Variants in C10orf67 observed in about 807,000 individuals in gnomAD.
C10orf67 encodes uncharacterized protein C10orf67, mitochondrial.
C10orf67 carries 60 observed loss-of-function variants against 35.6 expected under a neutral mutation model. That is an observed-to-expected ratio of 1.68 (90% CI 1.37 to 2.09). The LOEUF (loss-of-function observed/expected upper bound fraction) is 2.09, where lower values mean the gene tolerates loss of function less well. C10orf67 is among the 30% of genes most tolerant of loss of function. The pLI is 0.00. For synonymous variants in C10orf67, 167 were observed against 115.8 expected (o/e 1.44, Z -2.84); for missense variants, 474 against 330.2 (o/e 1.44, Z -3.38).
Position 23,235,726 on chromosome 10 carries a change from C to T in C10orf67, c.1434+4003G>A, listed in dbSNP as rs1489650431. ...TTCAAAAAAGAAGACCTAAGAATGA[C>T]CAATCAGCACATGAAAAGATGCTCA... On this transcript the variant is annotated intron_variant, in intron 13 of 15. Coordinates refer to ENST00000636213, the MANE Select transcript of C10orf67 (RefSeq NM_001371909.1). Among the ~76,000 whole-genome samples, 4 of 152,038 alleles carry T rather than the reference C, an allele frequency of 2.6e-5. No homozygotes were observed. In the East Asian group the frequency reaches 5.8e-4, roughly 22 times the overall value.
At chr10:23,306,232 C>T (rs887508612) in intron 4 of C10orf67, among the ~76,000 whole-genome samples, 1 of 151,976 alleles carries the variant, frequency 6.6e-6, no homozygotes, top group African/African-American at 2.4e-5. Flanking sequence ...GGGAGTAGAA[C>T]GGTGGTTGAC....
chr10:23,214,224 TA>T (rs1232539814), intron 15 of C10orf67, among the ~76,000 whole-genome samples: 4 of 152,098 alleles, frequency 2.6e-5, no homozygotes, highest in Non-Finnish European at 4.4e-5. Context: ...CATAGAGAGA[TA>T]TTTTTATATT....
chr10:23,237,764 C>G (rs551348014), intron 13 of C10orf67, among the ~76,000 whole-genome samples: 4 of 152,090 alleles, frequency 2.6e-5, no homozygotes, highest in Non-Finnish European at 2.9e-5. Context: ...CAAAACAACG[C>G]TTATTTGGTG....
chr10:23,265,268 TG>T (rs1191144253), intron 10 of C10orf67, among the ~76,000 whole-genome samples: 1 of 152,152 alleles, frequency 6.6e-6, no homozygotes, highest in Admixed American at 6.5e-5. Flanking sequence ...TCCTGGAGAG[TG>T]GGCACGAGAG....
intron 7 of C10orf67, among the ~76,000 whole-genome samples, chr10:23,289,190 G>T (rs1382874048): frequency 6.6e-6 from 1 of 152,124 alleles, no homozygotes; most frequent in African/African-American, 2.4e-5. Context: ...TTCAGACAGG[G>T]TCTCACTCTG....
chr10:23,225,164 G>T (rs192890993), intron 13 of C10orf67, among the ~76,000 whole-genome samples: 9 of 152,230 alleles, frequency 5.9e-5, no homozygotes, highest in South Asian at 2.1e-4. Flanking sequence ...GACTAACAGC[G>T]GATCTCTCGG....
chr10:23,216,126 G>A (rs758613751), intron 15 of C10orf67, among the ~76,000 whole-genome samples: 6 of 152,058 alleles, frequency 3.9e-5, no homozygotes, highest in African/African-American at 1.2e-4. Flanking sequence ...TTTGTGAAGC[G>A]TGAAACTAGC....
intron 15 of C10orf67, among the ~76,000 whole-genome samples, chr10:23,208,919 G>A (rs1841231107): frequency 6.6e-6 from 1 of 152,086 alleles, no homozygotes. Flanking sequence ...TTGATAGTGA[G>A]GGACATGAGG....
chr10:23,339,775 CCTT>C (rs1409878938), intron 1 of C10orf67, among the ~76,000 whole-genome samples: 2 of 152,210 alleles, frequency 1.3e-5, no homozygotes, highest in Non-Finnish European at 2.9e-5. Context: ...AGTTAAAAAT[CCTT>C]CTTACTATTT....
chr10:23,232,917 G>A (rs982525256), intron 13 of C10orf67, among the ~76,000 whole-genome samples: 1 of 152,182 alleles, frequency 6.6e-6, no homozygotes, highest in Admixed American at 6.5e-5. Flanking sequence ...AGCACTTTGG[G>A]AGGCTGAGGC....
chr10:23,295,758 T>C (rs1020541891), intron 5 of C10orf67, among the ~76,000 whole-genome samples: 1 of 152,228 alleles, frequency 6.6e-6, no homozygotes, highest in African/African-American at 2.4e-5. Context: ...TAAAAGTAAA[T>C]GTAAACCCAA....
intron 7 of C10orf67, among the ~76,000 whole-genome samples, chr10:23,288,931 T>G (rs1769128310): frequency 6.6e-6 from 1 of 152,210 alleles, no homozygotes; most frequent in African/African-American, 2.4e-5. Flanking sequence ...TCAGGCATCG[T>G]GCTCCCCACT....
rs114350678 is a variant in C10orf67, at chr10:23,341,808, C to T, written c.206+2761G>A. On this transcript the variant is annotated intron_variant, in intron 1 of 15. Coordinates refer to ENST00000636213, the MANE Select transcript of C10orf67 (RefSeq NM_001371909.1). Reference sequence around the variant, plus strand: ...GCCTGATAGATCCTTAGGGCTCCCCCCTCAAGCCTGCAAGTCTTCACCCCA... The same window carrying T: ...GCCTGATAGATCCTTAGGGCTCCCCTCTCAAGCCTGCAAGTCTTCACCCCA... 1.6e-3 allele frequency among the ~76,000 whole-genome samples: 238 copies of T among 152,278 alleles called. 1 individual carries two copies. Among genetic ancestry groups the T allele is most frequent in the African/African-American group, 5.5e-3 (227 of 41,554 alleles).
At chr10:23,263,587 A>G (rs1483285168) in intron 10 of C10orf67, among the ~76,000 whole-genome samples, 2 of 152,180 alleles carry the variant, frequency 1.3e-5, no homozygotes, top group African/African-American at 4.8e-5. Flanking sequence ...ATTTTCTCCT[A>G]TGTCCCATTT....
chr10:23,302,628 T>C (rs1029690928), intron 5 of C10orf67, among the ~76,000 whole-genome samples: 2 of 152,212 alleles, frequency 1.3e-5, no homozygotes, highest in East Asian at 3.8e-4. Context: ...GGACCATGGT[T>C]GGGCCTGGGA....
chr10:23,270,830 G>A (rs564719450), intron 8 of C10orf67, among the ~76,000 whole-genome samples: 3 of 152,352 alleles, frequency 2.0e-5, no homozygotes, highest in Admixed American at 2.0e-4. Flanking sequence ...ATAGTGGCCA[G>A]ACTGCTTCTT....
chr10:23,312,237 C>T (rs775562586), intron 4 of C10orf67, among the ~76,000 whole-genome samples: 3 of 152,164 alleles, frequency 2.0e-5, no homozygotes, highest in Non-Finnish European at 4.4e-5. Flanking sequence ...TAGTTATTCA[C>T]TTATTTACTT....
downstream of C10orf67, chr10:23,202,618 G>A (rs554730894): frequency 6.6e-6 from 1 of 152,304 alleles, no homozygotes; most frequent in East Asian, 1.9e-4. Flanking sequence ...ACAGATATAG[G>A]GCAGGACCTG....
At chr10:23,235,624 A>G (rs1443072728) in intron 13 of C10orf67, among the ~76,000 whole-genome samples, 1 of 152,314 alleles carries the variant, frequency 6.6e-6, no homozygotes, top group East Asian at 1.9e-4. Context: ...TGAACTGTAC[A>G]TTTAAAAATG....
Sources: gnomAD v4.1 joint callset for allele counts (sites outside exome capture counted in the v4.1 genomes callset) on GRCh38, gnomAD v4.1.1 for gene constraint, MANE v1.5 for transcripts, NCBI Gene and HGNC (gene_info 2026-07-23, HGNC 2026-07-21) for gene names.